The following DIP2C variants were observed in gnomAD, a reference collection of about 807,000 sequenced individuals.
DIP2C encodes DIP2 acetate--CoA ligase C (putative).
Under a neutral mutation model 192.4 loss-of-function variants are expected in DIP2C, and 33 were observed. That is an observed-to-expected ratio of 0.17 (90% confidence interval 0.13 to 0.23). DIP2C has a LOEUF of 0.23. Ranked by LOEUF, DIP2C falls within the 10% of genes least tolerant of loss-of-function variation. The pLI, the probability that DIP2C is intolerant of heterozygous loss-of-function variation, is 1.00. For synonymous variants in DIP2C, 979 were observed against 864.1 expected, an observed-to-expected ratio of 1.13 and a Z score of -2.33; for missense variants, 1,537 against 2,110.1, an observed-to-expected ratio of 0.73 and a Z score of 5.32.
At position 672,371 on chromosome 10, in the gene DIP2C, C is replaced by T. The variant is rs1830695257; in HGVS notation, c.85+17123G>A. ...GAGACGCGCACACGCCAGTGTGGAA[C>T]ATCGGACAGGAACGTCCCGGCCATG... On this transcript the variant is annotated intron_variant, in intron 1 of 36. Coordinates refer to ENST00000280886, the MANE Select transcript of DIP2C (RefSeq NM_014974.3). 3.3e-5 allele frequency among the ~76,000 whole-genome samples: 5 copies of T among 152,246 alleles called. No homozygotes were observed. In the South Asian group the frequency reaches 1.0e-3, roughly 31 times the overall value.
At chr10:461,372 C>G (rs1027831185) in intron 3 of DIP2C, among the ~76,000 whole-genome samples, 3 of 151,964 alleles carry the variant, frequency 2.0e-5, no homozygotes, top group African/African-American at 7.2e-5. Flanking sequence ...GCAAAAAAAG[C>G]ATGAGTTGCA....
chr10:487,233 C>T (rs1172517714), intron 1 of DIP2C, among the ~76,000 whole-genome samples: 1 of 152,198 alleles, frequency 6.6e-6, no homozygotes, highest in Non-Finnish European at 1.5e-5. Flanking sequence ...CCAGCACACA[C>T]AGAATACTCA....
intron 1 of DIP2C, among the ~76,000 whole-genome samples, chr10:583,414 T>TA (rs1490927763): frequency 2.6e-5 from 4 of 152,276 alleles, no homozygotes; most frequent in African/African-American, 9.6e-5. Flanking sequence ...TTCATTATCC[T>TA]ACATAAGGTC....
intron 1 of DIP2C, among the ~76,000 whole-genome samples, chr10:580,860 CTG>C (rs1395567224): frequency 2.0e-5 from 3 of 152,234 alleles, no homozygotes; most frequent in African/African-American, 7.2e-5. Flanking sequence ...TCTGGCTTGA[CTG>C]TGGAGTTCAG....
chr10:571,824 G>A (rs914296713), intron 1 of DIP2C, among the ~76,000 whole-genome samples: 1 of 152,172 alleles, frequency 6.6e-6, no homozygotes, highest in Non-Finnish European at 1.5e-5. Flanking sequence ...AAGAGGCCCT[G>A]CAAAGCTTCC....
chr10:477,871 G>A (rs1449706596), intron 2 of DIP2C, among the ~76,000 whole-genome samples: 30 of 126,150 alleles, frequency 2.4e-4, no homozygotes, highest in African/African-American at 3.7e-4. Context: ...GAAGCAGAGA[G>A]AAGAAAACGA....
At chr10:687,664 C>T (rs1203226210) in intron 1 of DIP2C, among the ~76,000 whole-genome samples, 1 of 152,234 alleles carries the variant, frequency 6.6e-6, no homozygotes, top group Non-Finnish European at 1.5e-5. Flanking sequence ...AGCACACCTT[C>T]GTCGAAAGTG....
At chr10:480,545 G>GGC (rs1843528712) in intron 2 of DIP2C, among the ~76,000 whole-genome samples, 1 of 152,206 alleles carries the variant, frequency 6.6e-6, no homozygotes, top group African/African-American at 2.4e-5. Flanking sequence ...ATCAGGACCG[G>GGC]GCCTTCACGT....
At chr10:382,845 G>T in intron 16 of DIP2C, 84 bp from the exon 17 acceptor site, 1 of 963,232 alleles carries the variant, frequency 1.0e-6, no homozygotes, top group Non-Finnish European at 1.5e-6. Context: ...AGTTCCGAAG[G>T]TGGGATTCAG....
At chr10:576,931 T>A (rs1434119674) in intron 1 of DIP2C, among the ~76,000 whole-genome samples, 1 of 151,282 alleles carries the variant, frequency 6.6e-6, no homozygotes, top group Non-Finnish European at 1.5e-5. Context: ...AAAAAAAAAA[T>A]AAGAGGGCAA....
intron 1 of DIP2C, among the ~76,000 whole-genome samples, chr10:674,056 T>C (rs1830769469): frequency 6.6e-6 from 1 of 152,238 alleles, no homozygotes; most frequent in African/African-American, 2.4e-5. Context: ...TCTACTTCCT[T>C]TTCATATTAA....
chr10:374,003 A>G (rs992394982), intron 17 of DIP2C, among the ~76,000 whole-genome samples: 2 of 152,250 alleles, frequency 1.3e-5, no homozygotes, highest in East Asian at 1.9e-4. Flanking sequence ...TGACTCCACC[A>G]TACTTTGTCA....
chr10:447,171 CT>C (rs1214258959), intron 3 of DIP2C, among the ~76,000 whole-genome samples: 2 of 148,976 alleles, frequency 1.3e-5, no homozygotes, highest in African/African-American at 5.1e-5. Context: ...CCACTCACCC[CT>C]GTCGATACTC....
chr10:528,459 T>TG (rs1041241070), intron 1 of DIP2C, among the ~76,000 whole-genome samples: 26 of 151,418 alleles, frequency 1.7e-4, no homozygotes, highest in African/African-American at 6.3e-4. Context: ...GCAGACCACT[T>TG]GCTACTCACA....
rs11253175 is a variant in DIP2C, at chr10:555,396, G to A, written c.86-68866C>T. The stretch of plus-strand genomic sequence containing the variant: ...AACCTAATAACCGAACTTCATTAAC[G>A]GTGAAAGAGTAAGGACACGCTGGCT... On this transcript the variant is annotated intron_variant, in intron 1 of 36. Coordinates refer to ENST00000280886, the MANE Select transcript of DIP2C (RefSeq NM_014974.3). Among the ~76,000 whole-genome samples, 193 of 152,234 alleles carry A rather than the reference G, an allele frequency of 1.3e-3. 2 individuals are homozygous for A. The East Asian group carries it at 0.03, about 24-fold the overall frequency.
At chr10:598,550 C>T (rs978373872) in intron 1 of DIP2C, among the ~76,000 whole-genome samples, 1 of 151,694 alleles carries the variant, frequency 6.6e-6, no homozygotes, top group African/African-American at 2.4e-5. Flanking sequence ...CTCCTCCCCC[C>T]ACAGCTCCTC....
intron 3 of DIP2C, among the ~76,000 whole-genome samples, chr10:451,265 CAA>C (rs781246051): frequency 3.7e-4 from 56 of 150,472 alleles, no homozygotes; most frequent in Non-Finnish European, 7.1e-4. Context: ...AACAGATTTT[CAA>C]AAAGTTACCA....
intron 1 of DIP2C, among the ~76,000 whole-genome samples, chr10:518,750 C>A (rs891160423): frequency 6.6e-6 from 1 of 152,124 alleles, no homozygotes; most frequent in Non-Finnish European, 1.5e-5. Flanking sequence ...CTGCCTGAGA[C>A]GACAATGCTC....
chr10:561,704 A>G (rs1317146500), intron 1 of DIP2C, among the ~76,000 whole-genome samples: 1 of 152,166 alleles, frequency 6.6e-6, no homozygotes, highest in East Asian at 1.9e-4. Flanking sequence ...ATCCAGCAAC[A>G]CAACTCCTGG....
Sources: allele counts gnomAD v4.1 joint callset (sites outside exome capture counted in the v4.1 genomes callset), GRCh38; gene constraint gnomAD v4.1.1; transcripts MANE v1.5; gene names NCBI Gene and HGNC (gene_info 2026-07-23, HGNC 2026-07-21).